TRABD2B: variants seen among roughly 807,000 people sequenced by gnomAD.
TRABD2B encodes TraB domain containing 2B, also known as metalloprotease TIKI2.
A neutral mutation model predicts 40.1 loss-of-function variants in TRABD2B; 14 were observed. That is an observed-to-expected ratio of 0.35 (90% CI 0.23 to 0.55). TRABD2B has a LOEUF of 0.55. Ranked by LOEUF, TRABD2B falls within the 20% of genes least tolerant of loss-of-function variation. The pLI is 0.90. For missense variants in TRABD2B, 541 were observed against 648.6 expected, an observed-to-expected ratio of 0.83 and a Z score of 1.80; for synonymous variants, 263 against 277.0, an observed-to-expected ratio of 0.95 and a Z score of 0.50.
At chr1:47,932,299 A>T (rs1394482130) in intron 2 of TRABD2B, among the ~76,000 whole-genome samples, 1 of 152,206 alleles carries the variant, frequency 6.6e-6, no homozygotes, top group African/African-American at 2.4e-5. Context: ...GTATAGCTAC[A>T]GAAGGTGCAC....
intron 2 of TRABD2B, among the ~76,000 whole-genome samples, chr1:47,851,820 A>C (rs1206290670): frequency 6.6e-6 from 1 of 152,234 alleles, no homozygotes; most frequent in Non-Finnish European, 1.5e-5. Context: ...TTCTGTGAGC[A>C]TTATCATTTT....
At chr1:47,862,650 C>T (rs1008211971) in intron 2 of TRABD2B, among the ~76,000 whole-genome samples, 1 of 152,116 alleles carries the variant, frequency 6.6e-6, no homozygotes, top group African/African-American at 2.4e-5. Flanking sequence ...TTCAAGATGT[C>T]AGGTCTTCCC....
chr1:47,844,496 A>G (rs778826590), intron 2 of TRABD2B, among the ~76,000 whole-genome samples: 15 of 152,160 alleles, frequency 9.9e-5, no homozygotes, highest in Non-Finnish European at 2.1e-4. Flanking sequence ...TCCAATCCCT[A>G]TGATCTCAAT....
chr1:47,840,030 T>C (rs1223199895), intron 2 of TRABD2B, among the ~76,000 whole-genome samples: 2 of 152,170 alleles, frequency 1.3e-5, no homozygotes, highest in Admixed American at 6.5e-5. Context: ...AGTGTTTACC[T>C]CCTCGGATTC....
chr1:47,968,105 G>A (rs557499674), intron 2 of TRABD2B, among the ~76,000 whole-genome samples: 47 of 152,276 alleles, frequency 3.1e-4, no homozygotes, highest in Non-Finnish European at 5.0e-4. Flanking sequence ...CTGGAACTAG[G>A]CAAGAAAGTA....
At chr1:47,894,506 C>T (rs1239999148) in intron 2 of TRABD2B, among the ~76,000 whole-genome samples, 1 of 152,134 alleles carries the variant, frequency 6.6e-6, no homozygotes. Context: ...CAAGGAGCTA[C>T]CTAATACCAA....
chr1:47,891,714 A>G (rs1192348883), intron 2 of TRABD2B, among the ~76,000 whole-genome samples: 1 of 152,164 alleles, frequency 6.6e-6, no homozygotes, highest in Non-Finnish European at 1.5e-5. Flanking sequence ...AGATGGAAAG[A>G]CTGCTTGAGC....
In TRABD2B at chr1:47,762,527, G is replaced by A. The variant is rs1280658891; in HGVS notation, c.*3375C>T. On this transcript the variant is annotated 3_prime_UTR_variant, in exon 7 of 7. Transcript: ENST00000606738. ...TGGAGATTAGGCAAGTGGGACAAGG[G>A]GCCTGAGCACCTAGGCTTGTCCAGG... 1 of 152,222 alleles carries A rather than the reference G, an allele frequency of 6.6e-6. No individual in the cohort carries two copies. The highest frequency in any genetic ancestry group is 1.9e-4 in the East Asian group (1 of 5,198). The allele number at this position is 152,222 out of a possible 1,614,324, so 9.4% of individuals were successfully genotyped here.
chr1:47,843,698 G>GAA, intron 2 of TRABD2B, among the ~76,000 whole-genome samples: 1 of 152,142 alleles, frequency 6.6e-6, no homozygotes, highest in South Asian at 2.1e-4. Flanking sequence ...TGAAGGAGTG[G>GAA]CCAGCCAGGC....
chr1:47,915,610 GA>G (rs1250072255), intron 2 of TRABD2B, among the ~76,000 whole-genome samples: 7 of 152,186 alleles, frequency 4.6e-5, no homozygotes, highest in Non-Finnish European at 1.0e-4. Flanking sequence ...CAAAGCCGGT[GA>G]TTTAGGACAT....
chr1:47,970,903 C>T (rs895570866), intron 2 of TRABD2B, among the ~76,000 whole-genome samples: 4 of 152,082 alleles, frequency 2.6e-5, no homozygotes, highest in African/African-American at 9.7e-5. Context: ...TCTCACTGGC[C>T]AAAGCAAGTG....
intron 2 of TRABD2B, among the ~76,000 whole-genome samples, chr1:47,966,786 T>C (rs1645609735): frequency 6.6e-6 from 1 of 151,932 alleles, no homozygotes; most frequent in Non-Finnish European, 1.5e-5. Context: ...ACACTTGTAA[T>C]CCTAGCTACC....
At chr1:47,930,368 G>A (rs963035190) in intron 2 of TRABD2B, among the ~76,000 whole-genome samples, 1 of 152,166 alleles carries the variant, frequency 6.6e-6, no homozygotes, top group Non-Finnish European at 1.5e-5. Context: ...TGGGCATCTG[G>A]ATCTGGATCC....
intron 2 of TRABD2B, among the ~76,000 whole-genome samples, chr1:47,972,094 T>C (rs1228218683): frequency 6.6e-6 from 1 of 152,232 alleles, no homozygotes; most frequent in Non-Finnish European, 1.5e-5. Flanking sequence ...GCTAATTAAG[T>C]AGTTATAAAA....
intron 2 of TRABD2B, among the ~76,000 whole-genome samples, chr1:47,987,001 C>T (rs1237895276): frequency 6.6e-6 from 1 of 152,114 alleles, no homozygotes; most frequent in Admixed American, 6.5e-5. Context: ...GTCAGCAGCC[C>T]GGCTGGCAGG....
In TRABD2B at chr1:47,845,298, A is replaced by G. The variant is rs1191352601; in HGVS notation, c.667-43679T>C. 3.9e-5 allele frequency among the ~76,000 whole-genome samples: 6 copies of G among 152,336 alleles called. No homozygotes were observed. In the East Asian group the frequency reaches 1.2e-3, roughly 29 times the overall value. On this transcript the variant is annotated intron_variant, in intron 2 of 6. Transcript: ENST00000606738. Reference sequence around the variant, plus strand: ...GTCTCAGGTCTAACCCTACCCTGACATATTTTACCTCCTTAATCCACACTT... The same window carrying G: ...GTCTCAGGTCTAACCCTACCCTGACGTATTTTACCTCCTTAATCCACACTT...
intron 2 of TRABD2B, among the ~76,000 whole-genome samples, chr1:47,829,651 C>T (rs1161910241): frequency 6.6e-6 from 1 of 152,178 alleles, no homozygotes; most frequent in Non-Finnish European, 1.5e-5. Flanking sequence ...TCCTCCCTTC[C>T]TTATCCTGTC....
intron 5 of TRABD2B, among the ~76,000 whole-genome samples, chr1:47,778,117 G>A (rs960945519): frequency 1.3e-5 from 2 of 152,156 alleles, no homozygotes; most frequent in East Asian, 1.9e-4. Flanking sequence ...GTACCATCTC[G>A]ATTCAGAGCC....
intron 2 of TRABD2B, among the ~76,000 whole-genome samples, chr1:47,919,288 C>CAG (rs1383513961): frequency 2.0e-5 from 3 of 152,320 alleles, no homozygotes; most frequent in Non-Finnish European, 4.4e-5. Context: ...GCTGGCTGGG[C>CAG]CAGTGAATGA....
Sources: allele counts gnomAD v4.1 joint callset (sites outside exome capture counted in the v4.1 genomes callset), GRCh38; gene constraint gnomAD v4.1.1; transcripts MANE v1.5; gene names NCBI Gene and HGNC (gene_info 2026-07-23, HGNC 2026-07-21).